The following ZFHX3 variants were observed in gnomAD, a reference collection of about 807,000 sequenced individuals.
ZFHX3 encodes the protein zinc finger homeobox protein 3.
ZFHX3 carries 42 observed loss-of-function variants against 279.1 expected under a neutral mutation model. That is an observed-to-expected ratio of 0.15 (90% CI 0.12 to 0.19). The LOEUF (loss-of-function observed/expected upper bound fraction) is 0.19. Ranked by LOEUF, ZFHX3 falls within the 10% of genes least tolerant of loss-of-function variation. The pLI is 1.00. For missense variants in ZFHX3, 4,981 were observed against 4,754.0 expected (o/e 1.05, Z -1.40); for synonymous variants, 2,293 against 1,957.8 (o/e 1.17, Z -4.52).
At chr16:72,847,988 G>A (rs2143821305) in intron 4 of ZFHX3, among the ~76,000 whole-genome samples, 2 of 152,290 alleles carry the variant, frequency 1.3e-5, no homozygotes, top group East Asian at 3.9e-4. Flanking sequence ...TCAGGACAAT[G>A]ATTGGAGCCT....
chr16:73,280,935 A>T (rs1164133315), intron 4 of ZFHX3, among the ~76,000 whole-genome samples: 1 of 150,752 alleles, frequency 6.6e-6, no homozygotes, highest in Non-Finnish European at 1.5e-5. Context: ...TGGTGAGCCA[A>T]GATTGCGCCA....
At chr16:72,896,969 G>A (rs1357895536) in intron 3 of ZFHX3, among the ~76,000 whole-genome samples, 2 of 152,230 alleles carry the variant, frequency 1.3e-5, no homozygotes, top group Non-Finnish European at 2.9e-5. Context: ...ACTGTGCTGT[G>A]CACACAGGCA....
At chr16:72,919,653 TCTC>T (rs2039532246) in intron 3 of ZFHX3, among the ~76,000 whole-genome samples, 1 of 152,052 alleles carries the variant, frequency 6.6e-6, no homozygotes, top group African/African-American at 2.4e-5. Context: ...CATCTTGATA[TCTC>T]CTGTCTATCT....
chr16:73,194,146 TCA>T (rs1968096564), intron 5 of ZFHX3, among the ~76,000 whole-genome samples: 2 of 152,176 alleles, frequency 1.3e-5, no homozygotes, highest in Non-Finnish European at 2.9e-5. Flanking sequence ...TTGCTGGGGT[TCA>T]TAGACCCCGG....
At chr16:73,281,066 G>A (rs1012732251) in intron 4 of ZFHX3, among the ~76,000 whole-genome samples, 9 of 150,246 alleles carry the variant, frequency 6.0e-5, no homozygotes, top group African/African-American at 2.0e-4. Context: ...GGAGGAGATA[G>A]TATAAAAGTT....
In ZFHX3 at chr16:73,176,032, G is replaced by T. The variant is rs187957471; in HGVS notation, c.-1103-32201C>A. On this transcript the variant is annotated intron_variant, in intron 5 of 17. Transcript: ENST00000641206. ...GAGCCATCCCCAACCCACCTCGTCG[G>T]CTATGCCAATTCTCCTCTCCAAATC... Among the ~76,000 whole-genome samples, 301 of 152,176 alleles carry T rather than the reference G, an allele frequency of 2.0e-3. 1 individual carries two copies. Among genetic ancestry groups the T allele is most frequent in the Middle Eastern group, 3.4e-3 (1 of 294 alleles).
intron 3 of ZFHX3, among the ~76,000 whole-genome samples, chr16:72,932,653 C>CAAAAAAA: frequency 9.7e-6 from 1 of 103,264 alleles, no homozygotes; most frequent in Non-Finnish European, 2.0e-5. Flanking sequence ...TGCTCCGCAC[C>CAAAAAAA]AAAAAAAAAA....
At chr16:73,845,096 TTGAA>T (rs1013528728) in intron 1 of ZFHX3, among the ~76,000 whole-genome samples, 2 of 152,090 alleles carry the variant, frequency 1.3e-5, no homozygotes, top group African/African-American at 4.8e-5. Context: ...GGAGGTTAGT[TTGAA>T]TGGAGATTTC....
At chr16:73,265,785 G>A (rs2013957325) in intron 4 of ZFHX3, among the ~76,000 whole-genome samples, 1 of 152,188 alleles carries the variant, frequency 6.6e-6, no homozygotes, top group South Asian at 2.1e-4. Context: ...GATTCACAAC[G>A]TTTTGTTTGG....
intron 5 of ZFHX3, among the ~76,000 whole-genome samples, chr16:73,207,545 C>T (rs1429592406): frequency 6.6e-6 from 1 of 152,160 alleles, no homozygotes; most frequent in Non-Finnish European, 1.5e-5. Context: ...TGGCTTCACT[C>T]ATTTAATAAC....
At chr16:73,221,309 T>C (rs1452871893) in intron 5 of ZFHX3, among the ~76,000 whole-genome samples, 1 of 152,218 alleles carries the variant, frequency 6.6e-6, no homozygotes, top group African/African-American at 2.4e-5. Flanking sequence ...CCTCTATTCA[T>C]GGTTATAATT....
At chr16:73,407,176 C>T (rs1363330551) in intron 3 of ZFHX3, among the ~76,000 whole-genome samples, 1 of 152,210 alleles carries the variant, frequency 6.6e-6, no homozygotes. Context: ...CAGGACCTCC[C>T]TACCTCCAGC....
intron 2 of ZFHX3, among the ~76,000 whole-genome samples, chr16:73,565,950 G>A (rs756493388): frequency 6.6e-6 from 1 of 152,198 alleles, no homozygotes; most frequent in Non-Finnish European, 1.5e-5. Flanking sequence ...AATTTGGGCC[G>A]GGATGGGGGG....
At chr16:73,021,477 TAG>T (rs1964294940) in intron 1 of ZFHX3, among the ~76,000 whole-genome samples, 1 of 152,138 alleles carries the variant, frequency 6.6e-6, no homozygotes, top group Non-Finnish European at 1.5e-5. Flanking sequence ...TATTTGGAAA[TAG>T]AGTCTTTGAA....
At chr16:73,687,864 A>C (rs1292442416) in intron 1 of ZFHX3, among the ~76,000 whole-genome samples, 2 of 151,608 alleles carry the variant, frequency 1.3e-5, no homozygotes, top group Non-Finnish European at 2.9e-5. Flanking sequence ...AAAAAAAAAA[A>C]AAAAACAGAT....
chr16:73,612,786 T>C (rs2052260289), intron 2 of ZFHX3, among the ~76,000 whole-genome samples: 1 of 152,106 alleles, frequency 6.6e-6, no homozygotes, highest in African/African-American at 2.4e-5. Flanking sequence ...AAATATTACA[T>C]GAAATTAGCT....
chr16:73,818,455 T>C (rs1960641290), intron 1 of ZFHX3, among the ~76,000 whole-genome samples: 1 of 152,038 alleles, frequency 6.6e-6, no homozygotes. Flanking sequence ...ATATGAGAGG[T>C]CCTGTCATCA....
rs1259214547 is a variant in ZFHX3 at position 72,786,779 on chromosome 16, T to C, written c.*385A>G. ...GTGGACTGCTTTCCCATACAGTGCA[T>C]GCCGGGCTCCTCTGTGCTATCAGCG... On this transcript the variant is annotated 3_prime_UTR_variant, in exon 10 of 10. Transcript: ENST00000268489. 1 of 153,540 alleles carries C rather than the reference T, an allele frequency of 6.5e-6. No individual in the cohort carries two copies. The highest frequency in any genetic ancestry group is 2.4e-5 in the African/African-American group (1 of 41,450). 9.5% of individuals were successfully genotyped at this position (153,540 alleles called of 1,614,324 possible).
chr16:73,082,600 AACTT>A (rs1409873581), intron 8 of ZFHX3, among the ~76,000 whole-genome samples: 1 of 151,812 alleles, frequency 6.6e-6, no homozygotes, highest in Non-Finnish European at 1.5e-5. Context: ...TATTCCCATT[AACTT>A]ACTTTCTTTT....
Sources: allele counts gnomAD v4.1 joint callset (sites outside exome capture counted in the v4.1 genomes callset), GRCh38; gene constraint gnomAD v4.1.1; transcripts MANE v1.5; gene names NCBI Gene and HGNC (gene_info 2026-07-23, HGNC 2026-07-21).